The following ARHGEF10 variants were observed in gnomAD, a reference collection of about 807,000 sequenced individuals.
ARHGEF10 encodes the protein Rho guanine nucleotide exchange factor 10.
A neutral mutation model predicts 147.4 loss-of-function variants in ARHGEF10; 140 were observed. The ratio of observed to expected loss-of-function variants is 0.95; its 90% CI spans 0.83 to 1.09. ARHGEF10 has a LOEUF of 1.09. ARHGEF10 is among the 50% of genes least tolerant of loss of function. The pLI is 0.00. For synonymous variants in ARHGEF10, 902 were observed against 695.8 expected (o/e 1.30, Z -4.67); for missense variants, 2,222 against 1,752.7 (o/e 1.27, Z -4.78).
chr8:1,905,331 C>T (rs531211861), intron 16 of ARHGEF10, among the ~76,000 whole-genome samples: 1 of 152,130 alleles, frequency 6.6e-6, no homozygotes, highest in Non-Finnish European at 1.5e-5. Flanking sequence ...AAAACAATTC[C>T]TTGCATTCCT....
chr8:1,931,846 G>A (rs952703699), intron 25 of ARHGEF10, among the ~76,000 whole-genome samples: 49 of 152,322 alleles, frequency 3.2e-4, no homozygotes, highest in African/African-American at 1.1e-3. Context: ...TACACAGGGA[G>A]AAGTCATCCC....
intron 17 of ARHGEF10, among the ~76,000 whole-genome samples, chr8:1,907,860 A>G (rs1310397218): frequency 6.6e-6 from 1 of 152,212 alleles, no homozygotes; most frequent in African/African-American, 2.4e-5. Flanking sequence ...TTTTGTTTCA[A>G]ATAGCTCCCA....
At chr8:1,945,415 G>A (rs976921858) in intron 26 of ARHGEF10, 66 bp from the exon 27 acceptor site, 27 of 1,544,640 alleles carry the variant, frequency 1.7e-5, no homozygotes, top group African/African-American at 5.5e-5. Context: ...GACGCCACGT[G>A]GACCCAACAG....
At chr8:1,946,103 G>C (rs1416675962) in intron 27 of ARHGEF10, among the ~76,000 whole-genome samples, 1 of 152,156 alleles carries the variant, frequency 6.6e-6, no homozygotes, top group South Asian at 2.1e-4. Flanking sequence ...GTTGCTGGTG[G>C]GTGTCACTGA....
intron 15 of ARHGEF10, among the ~76,000 whole-genome samples, chr8:1,902,882 A>G (rs1185300892): frequency 1.3e-5 from 2 of 152,190 alleles, no homozygotes; most frequent in Non-Finnish European, 2.9e-5. Context: ...ACTCCTGCAC[A>G]TTGGAAACTG....
intron 18 of ARHGEF10, among the ~76,000 whole-genome samples, chr8:1,914,204 G>C (rs950947472): frequency 6.6e-6 from 1 of 152,264 alleles, no homozygotes; most frequent in Non-Finnish European, 1.5e-5. Flanking sequence ...TGAAGTAGAA[G>C]GCAGCAGGAG....
chr8:1,848,875 G>T (rs551415467), intron 2 of ARHGEF10, among the ~76,000 whole-genome samples: 2 of 151,978 alleles, frequency 1.3e-5, no homozygotes, highest in South Asian at 2.1e-4. Context: ...TTTTTTCCCT[G>T]ACAAACCTAG....
chr8:1,911,344 A>G (rs778581736), intron 18 of ARHGEF10, among the ~76,000 whole-genome samples: 5 of 152,068 alleles, frequency 3.3e-5, no homozygotes, highest in Non-Finnish European at 7.4e-5. Flanking sequence ...CAGTGAAACC[A>G]TTTTTCCATG....
chr8:1,893,759 T>G, intron 12 of ARHGEF10, 113 bp downstream of exon 12: 2 of 865,532 alleles, frequency 2.3e-6, no homozygotes, highest in Non-Finnish European at 3.8e-6. Flanking sequence ...AACATGCAAA[T>G]TTGCAAAATT....
intron 6 of ARHGEF10, among the ~76,000 whole-genome samples, chr8:1,867,251 C>G (rs544261496): frequency 5.0e-4 from 76 of 152,172 alleles, no homozygotes; most frequent in African/African-American, 1.7e-3. Flanking sequence ...GCTTGAAAAG[C>G]TAATTGGTAA....
intron 3 of ARHGEF10, 28 bp downstream of exon 3, chr8:1,858,143 A>AGTCCCCAGGCGG: frequency 6.6e-7 from 1 of 1,521,376 alleles, no homozygotes. Context: ...TCCCCAGGTG[A>AGTCCCCAGGCGG]GTCCCCAGGT....
intron 18 of ARHGEF10, among the ~76,000 whole-genome samples, chr8:1,916,513 G>C (rs1811771256): frequency 6.6e-6 from 1 of 152,158 alleles, no homozygotes; most frequent in South Asian, 2.1e-4. Context: ...AATTCTTATT[G>C]TTCTTCTCTG....
chr8:1,919,478 GTCC>G (rs1812046248), intron 18 of ARHGEF10, among the ~76,000 whole-genome samples: 2 of 140,152 alleles, frequency 1.4e-5, no homozygotes, highest in African/African-American at 2.8e-5. Context: ...GAGCTGTTCT[GTCC>G]AGTGATGGAG....
intron 27 of ARHGEF10, among the ~76,000 whole-genome samples, chr8:1,947,878 T>C (rs780112413): frequency 6.6e-5 from 10 of 151,694 alleles, no homozygotes; most frequent in Non-Finnish European, 5.9e-5. Flanking sequence ...TGACCTCTCC[T>C]GTAGAAGAGA....
At chr8:1,905,793 G>A in intron 17 of ARHGEF10, 77 bp downstream of exon 17, 1 of 1,571,420 alleles carries the variant, frequency 6.4e-7, no homozygotes, top group Non-Finnish European at 8.7e-7. Flanking sequence ...GCATGACTTT[G>A]TTAATTCTGT....
At chr8:1,888,010 G>C (rs1787256548) in intron 11 of ARHGEF10, among the ~76,000 whole-genome samples, 1 of 148,650 alleles carries the variant, frequency 6.7e-6, no homozygotes, top group South Asian at 2.2e-4. Flanking sequence ...AGTGGGGTGA[G>C]CTTTGTTAGG....
At chr8:1,877,839 G>C (rs973466808) in intron 8 of ARHGEF10, among the ~76,000 whole-genome samples, 5 of 152,098 alleles carry the variant, frequency 3.3e-5, no homozygotes, top group Admixed American at 2.0e-4. Flanking sequence ...CTTGTCTGAG[G>C]CTGGCGAGTC....
In ARHGEF10 at chr8:1,926,283, C is replaced by G. The variant is rs1393800216; in HGVS notation, c.2611-94C>G. The G allele has an allele frequency of 4.0e-6, 4 of 991,024 alleles. No homozygotes were observed. The Middle Eastern group carries it at 1.0e-3, about 251-fold the overall frequency. 61.4% of individuals were successfully genotyped at this position (991,024 alleles called of 1,614,324 possible). On this transcript the variant is annotated intron_variant, in intron 22 of 28. Transcript: ENST00000349830. ...TGAACCTGTAATTTCTGTGTTTATACATTGGAAGTAAGTCATCCATTTAAG... is the reference window on the plus strand; with the variant it reads ...TGAACCTGTAATTTCTGTGTTTATAGATTGGAAGTAAGTCATCCATTTAAG...
At chr8:1,856,533 G>T (rs146574848) in intron 2 of ARHGEF10, among the ~76,000 whole-genome samples, 9 of 152,344 alleles carry the variant, frequency 5.9e-5, no homozygotes, top group African/African-American at 2.2e-4. Flanking sequence ...GTTGTTTTTA[G>T]ACCGCTAGAG....
Sources: allele counts gnomAD v4.1 joint callset (sites outside exome capture counted in the v4.1 genomes callset), GRCh38; gene constraint gnomAD v4.1.1; transcripts MANE v1.5; gene names NCBI Gene and HGNC (gene_info 2026-07-23, HGNC 2026-07-21).